Variants in EVC observed in about 807,000 individuals in gnomAD.
EVC encodes the protein EvC ciliary complex subunit 1.
In EVC, 116 loss-of-function variants were observed where a neutral mutation model predicts 118.9. The observed-to-expected ratio is 0.98, with a 90% CI of 0.84 to 1.14. EVC has a LOEUF of 1.14. Ranked by LOEUF, EVC falls within the 50% of genes most tolerant of loss-of-function variation. The pLI, the probability that EVC is intolerant of heterozygous loss-of-function variation, is 0.00. For missense variants in EVC, 1,401 were observed against 1,246.4 expected, an observed-to-expected ratio of 1.12 and a Z score of -1.87; for synonymous variants, 619 against 534.7, an observed-to-expected ratio of 1.16 and a Z score of -2.18.
chr4:5,769,075 T>G (rs560546770), intron 11 of EVC, among the ~76,000 whole-genome samples: 55 of 152,228 alleles, frequency 3.6e-4, no homozygotes, highest in African/African-American at 1.2e-3. Context: ...TATTAATTTG[T>G]TCTCACACTT....
intron 12 of EVC, among the ~76,000 whole-genome samples, chr4:5,785,648 G>C (rs1246606097): frequency 6.6e-6 from 1 of 152,206 alleles, no homozygotes; most frequent in Non-Finnish European, 1.5e-5. Context: ...TCTGTCTCCT[G>C]CATTTGGCTA....
At chr4:5,824,766 G>A in the EVC span, 9 of 984,216 alleles carry the variant, frequency 9.1e-6, no homozygotes, top group South Asian at 4.7e-5. Context: ...TACCCAGCAC[G>A]GTGTGCAACC....
At chr4:5,823,394 C>T in the EVC span, among the ~76,000 whole-genome samples, 4 of 152,218 alleles carry the variant, frequency 2.6e-5, no homozygotes, top group Non-Finnish European at 4.4e-5. Flanking sequence ...TTCCTTACAA[C>T]CATCTGTACC....
intron 15 of EVC, among the ~76,000 whole-genome samples, chr4:5,800,175 T>C (rs1248362418): frequency 6.6e-6 from 1 of 152,032 alleles, no homozygotes; most frequent in African/African-American, 2.4e-5. Flanking sequence ...TGAAACCCCG[T>C]CTCTACTAAA....
chr4:5,781,828 TCAAAA>T (rs1735642869), intron 11 of EVC, among the ~76,000 whole-genome samples: 1 of 152,146 alleles, frequency 6.6e-6, no homozygotes, highest in South Asian at 2.1e-4. Flanking sequence ...AGATCCTGTC[TCAAAA>T]CAAAACAAAA....
intron 12 of EVC, among the ~76,000 whole-genome samples, chr4:5,792,593 AAC>A (rs1159452150): frequency 3.3e-5 from 5 of 152,238 alleles, no homozygotes; most frequent in African/African-American, 1.2e-4. Flanking sequence ...TGTTCTGAAC[AAC>A]ACAGTCAGTT....
chr4:5,797,820 C>T (rs116184621), intron 14 of EVC, among the ~76,000 whole-genome samples: 101 of 152,272 alleles, frequency 6.6e-4, no homozygotes, highest in African/African-American at 2.4e-3. Context: ...AAAAACCATA[C>T]GGAATCAGAG....
downstream of EVC, among the ~76,000 whole-genome samples, chr4:5,818,970 G>T (rs1388827452): frequency 6.6e-6 from 1 of 152,152 alleles, no homozygotes; most frequent in Non-Finnish European, 1.5e-5. Flanking sequence ...TGATTTGGCA[G>T]CACACTTCTG....
rs747677296 is a variant in EVC at position 5,738,053 on chromosome 4, A to T, written c.703-3663A>T. Among the ~76,000 whole-genome samples, 2 of 152,236 alleles carry T rather than the reference A, an allele frequency of 1.3e-5. No individual in the cohort carries two copies. Among genetic ancestry groups the T allele is most frequent in the Non-Finnish European group, 2.9e-5 (2 of 68,038 alleles). ...AGGAGGAGGTCAAAATATCAACATT[A>T]ACAAGAGTTTGGAAGAGGTTGATTT... On this transcript the variant is annotated intron_variant, in intron 5 of 20. Coordinates refer to ENST00000264956, the MANE Select transcript of EVC (RefSeq NM_153717.3). This position sits in a 1 kb window ranked among gnomAD's most constrained non-coding sequence, Gnocchi z 6.5.
rs1315284688 is a variant in EVC, at chr4:5,789,652, G to T, written c.1777-3956G>T. 6.6e-6 allele frequency among the ~76,000 whole-genome samples: 1 copy of T among 152,134 alleles called. No homozygotes were observed. The highest frequency in any genetic ancestry group is 1.5e-5 in the Non-Finnish European group (1 of 68,038). Reference sequence around the variant, plus strand: ...CTTACTTGAGGCCACAAAATGACCTGGTAGCAATGACCAGCACTCTAGCCC... The same window carrying T: ...CTTACTTGAGGCCACAAAATGACCTTGTAGCAATGACCAGCACTCTAGCCC... On this transcript the variant is annotated intron_variant, in intron 12 of 20. Transcript: ENST00000264956. This position sits in a 1 kb window ranked among gnomAD's most constrained non-coding sequence, Gnocchi z 4.3.
At chr4:5,753,134 C>T (rs1317713918) in intron 9 of EVC, 82 bp downstream of exon 9, 1 of 1,341,472 alleles carries the variant, frequency 7.5e-7, no homozygotes, top group Admixed American at 2.0e-5. Context: ...GGCTGGCAGC[C>T]TGGGGCAGTG....
rs1038502766 is a variant in EVC at position 5,746,764 on chromosome 4, G to A, written c.940-1384G>A. ...TGGTGACCTCTGGCCTAGAAATGGT[G>A]TGTAAAATGGGAAGAGAAAAGAGCT... On this transcript the variant is annotated intron_variant, in intron 7 of 20. Coordinates refer to ENST00000264956, the MANE Select transcript of EVC (RefSeq NM_153717.3). This position sits in a 1 kb window ranked among gnomAD's most constrained non-coding sequence, Gnocchi z 5.8. Among the ~76,000 whole-genome samples, 2 of 152,204 alleles carry A rather than the reference G, an allele frequency of 1.3e-5. No individual in the cohort carries two copies. The highest frequency in any genetic ancestry group is 2.4e-5 in the African/African-American group (1 of 41,452).
rs1006589004 is a variant in EVC at position 5,811,428 on chromosome 4, T to G, written c.*391T>G. The G allele has an allele frequency of 1.9e-4, 55 of 285,590 alleles. No individual in the cohort carries two copies. The highest frequency in any genetic ancestry group is 1.9e-4 in the Non-Finnish European group (28 of 148,242). The allele number at this position is 285,590 out of a possible 1,614,324, so 17.7% of individuals were successfully genotyped here. ...CCATCTGGGGCTGAGGACACACAGA[T>G]ACATAATGACACCTGCAGAAATGTA... is the stretch of plus-strand genomic sequence containing the variant. On this transcript the variant is annotated 3_prime_UTR_variant, in exon 21 of 21. Transcript: ENST00000264956.
At chr4:5,714,191 G>C (rs1723558637) in intron 1 of EVC, among the ~76,000 whole-genome samples, 1 of 152,122 alleles carries the variant, frequency 6.6e-6, no homozygotes, top group African/African-American at 2.4e-5. Flanking sequence ...CGCTAGATCA[G>C]GTACTTCCCT....
intron 11 of EVC, among the ~76,000 whole-genome samples, chr4:5,771,432 T>C (rs1733938431): frequency 6.6e-6 from 1 of 152,122 alleles, no homozygotes; most frequent in Admixed American, 6.5e-5. Flanking sequence ...GAGCCAACAG[T>C]GTCATCCAGG....
At chr4:5,736,662 G>C (rs527520589) in intron 5 of EVC, among the ~76,000 whole-genome samples, 42 of 152,180 alleles carry the variant, frequency 2.8e-4, no homozygotes, top group African/African-American at 8.9e-4. Flanking sequence ...CACTATTATT[G>C]TGTTATGGTG....
At chr4:5,806,038 ATCG>A (rs1715848825) in intron 17 of EVC, among the ~76,000 whole-genome samples, 1 of 149,472 alleles carries the variant, frequency 6.7e-6, no homozygotes, top group Non-Finnish European at 1.5e-5. Context: ...CTCCCCTCCC[ATCG>A]TCCCGCCGCC....
chr4:5,757,633 T>G lies in EVC; in HGVS notation c.1563+1271T>G, dbSNP rs529742658. On this transcript the variant is annotated intron_variant, in intron 11 of 20. Coordinates refer to ENST00000264956, the MANE Select transcript of EVC (RefSeq NM_153717.3). ...GCCTCCTCACACGGTTATTTCTCTG[T>G]GCTTGGAAGACTGAAGGGCAGGGGA... 2.0e-5 allele frequency among the ~76,000 whole-genome samples: 3 copies of G among 152,306 alleles called. No homozygotes were observed. In the East Asian group the frequency reaches 5.8e-4, roughly 29 times the overall value.
intron 17 of EVC, among the ~76,000 whole-genome samples, chr4:5,806,084 TC>T (rs1252208903): frequency 6.8e-6 from 1 of 146,092 alleles, no homozygotes; most frequent in Admixed American, 6.7e-5. Context: ...CCTTCCACTC[TC>T]TTTTTTTTTT....
Sources: gnomAD v4.1 joint callset for allele counts (sites outside exome capture counted in the v4.1 genomes callset) on GRCh38, gnomAD v4.1.1 for gene constraint, Gnocchi (gnomAD v3.1) non-coding constraint, MANE v1.5 for transcripts, NCBI Gene and HGNC (gene_info 2026-07-23, HGNC 2026-07-21) for gene names.